NPAS3: variants seen among roughly 807,000 people sequenced by gnomAD.
NPAS3 encodes neuronal PAS domain protein 3.
NPAS3 carries 14 observed loss-of-function variants against 73.1 expected under a neutral mutation model. The ratio of observed to expected loss-of-function variants is 0.19; its 90% CI spans 0.13 to 0.30. NPAS3 has a LOEUF of 0.30. Ranked by LOEUF, NPAS3 falls within the 10% of genes least tolerant of loss-of-function variation. The probability of loss-of-function intolerance (pLI) is 1.00; values close to 1 mark genes in which losing one functional copy is unlikely to be tolerated. For missense variants in NPAS3, 1,096 were observed against 1,250.0 expected, an observed-to-expected ratio of 0.88 and a Z score of 1.86; for synonymous variants, 620 against 541.5, an observed-to-expected ratio of 1.14 and a Z score of -2.01.
chr14:32,983,096 G>C (rs1381459166), intron 1 of NPAS3, among the ~76,000 whole-genome samples: 1 of 152,106 alleles, frequency 6.6e-6, no homozygotes, highest in African/African-American at 2.4e-5. Context: ...AGATGTTTGA[G>C]TAGCATATTG....
At chr14:33,198,951 A>G (rs1237906441) in intron 2 of NPAS3, among the ~76,000 whole-genome samples, 1 of 152,180 alleles carries the variant, frequency 6.6e-6, no homozygotes, top group East Asian at 1.9e-4. Context: ...GGGGGAACCC[A>G]GGGCCGTCTC....
chr14:33,388,970 C>T (rs1275314285), intron 4 of NPAS3, among the ~76,000 whole-genome samples: 1 of 152,070 alleles, frequency 6.6e-6, no homozygotes, highest in East Asian at 1.9e-4. Context: ...TCGCTATTAA[C>T]ATGTTGTTCC....
At chr14:33,238,549 A>G (rs1469362209) in intron 3 of NPAS3, among the ~76,000 whole-genome samples, 1 of 151,974 alleles carries the variant, frequency 6.6e-6, no homozygotes, top group Non-Finnish European at 1.5e-5. Context: ...AGTTTGAATG[A>G]CCTAGTATAA....
chr14:33,319,648 A>G (rs555598737), intron 3 of NPAS3, among the ~76,000 whole-genome samples: 1 of 152,126 alleles, frequency 6.6e-6, no homozygotes, highest in Non-Finnish European at 1.5e-5. Flanking sequence ...GGGTTGGAAA[A>G]AAAAATCTGT....
chr14:33,279,725 G>C (rs193031570), intron 3 of NPAS3, among the ~76,000 whole-genome samples: 1 of 152,184 alleles, frequency 6.6e-6, no homozygotes, highest in East Asian at 1.9e-4. Context: ...AAACATTGGG[G>C]GGAAGGAACA....
chr14:33,299,963 TTC>T (rs1348741777), intron 3 of NPAS3, among the ~76,000 whole-genome samples: 40 of 152,314 alleles, frequency 2.6e-4, no homozygotes, highest in African/African-American at 8.7e-4. Context: ...CTCATGATAA[TTC>T]AAAACCGTAG....
At chr14:33,413,077 A>C (rs1440199) in intron 4 of NPAS3, among the ~76,000 whole-genome samples, 30,993 of 152,118 alleles carry the variant, frequency 0.2, 3,342 homozygotes, top group Admixed American at 0.28. Flanking sequence ...TTGCCAATTT[A>C]ATAAGATCAT....
chr14:33,082,599 G>A (rs1429761799), intron 2 of NPAS3, among the ~76,000 whole-genome samples: 1 of 152,136 alleles, frequency 6.6e-6, no homozygotes, highest in Admixed American at 6.5e-5. Context: ...GCATTATATG[G>A]AATTTAGCAC....
chr14:32,989,370 C>A (rs866675762), intron 1 of NPAS3, among the ~76,000 whole-genome samples: 1 of 152,126 alleles, frequency 6.6e-6, no homozygotes, highest in Non-Finnish European at 1.5e-5. Context: ...TGTGGCCGGG[C>A]ACGGTGGCTC....
intron 6 of NPAS3, among the ~76,000 whole-genome samples, chr14:33,707,376 T>C (rs1430279636): frequency 6.6e-6 from 1 of 152,054 alleles, no homozygotes; most frequent in African/African-American, 2.4e-5. Flanking sequence ...GATTATTTAA[T>C]ATTTGTTGAG....
chr14:33,465,767 TATATTTTCCCTTGCTTTAATTCAGTATA>T (rs2050480591), intron 4 of NPAS3, among the ~76,000 whole-genome samples: 1 of 152,208 alleles, frequency 6.6e-6, no homozygotes, highest in Non-Finnish European at 1.5e-5. Context: ...TCAATTTATT[TATATTTTCCCTTGCTTTAATTCAGTATA>T]ATATATGGCA....
chr14:33,540,490 CA>C (rs1324998841), intron 4 of NPAS3, among the ~76,000 whole-genome samples: 1 of 152,170 alleles, frequency 6.6e-6, no homozygotes, highest in Non-Finnish European at 1.5e-5. Context: ...TTCATAACCC[CA>C]AGGAGCCTAT....
chr14:33,594,707 C>CGACT (rs1334191705), intron 5 of NPAS3, among the ~76,000 whole-genome samples: 1 of 152,152 alleles, frequency 6.6e-6, no homozygotes, highest in African/African-American at 2.4e-5. Context: ...ACAGAAGGAC[C>CGACT]GACTGCCTCT....
At chr14:33,775,815 G>A (rs1305580230) in intron 8 of NPAS3, among the ~76,000 whole-genome samples, 1 of 152,182 alleles carries the variant, frequency 6.6e-6, no homozygotes, top group African/African-American at 2.4e-5. Flanking sequence ...AGAATGATTC[G>A]CTGGAGTTGG....
At chr14:33,542,247 A>T (rs963452468) in intron 4 of NPAS3, among the ~76,000 whole-genome samples, 5 of 152,110 alleles carry the variant, frequency 3.3e-5, no homozygotes, top group African/African-American at 1.2e-4. Flanking sequence ...CTCAAGCCAT[A>T]CTCGCCAGCA....
At chr14:33,186,156 G>T (rs768537993) in intron 2 of NPAS3, among the ~76,000 whole-genome samples, 5 of 152,076 alleles carry the variant, frequency 3.3e-5, no homozygotes, top group Non-Finnish European at 5.9e-5. Context: ...TGCAAATTAA[G>T]CCTTTAAAAA....
intron 4 of NPAS3, among the ~76,000 whole-genome samples, chr14:33,514,381 T>C (rs898199821): frequency 2.0e-5 from 3 of 151,960 alleles, no homozygotes; most frequent in Non-Finnish European, 4.4e-5. Context: ...GTTATCTGAG[T>C]CACAGATAAG....
chr14:33,520,493 G>T (rs1595076448), intron 4 of NPAS3, among the ~76,000 whole-genome samples: 1 of 152,056 alleles, frequency 6.6e-6, no homozygotes, highest in Non-Finnish European at 1.5e-5. Flanking sequence ...AGTGAAACTG[G>T]AAATGTTTGT....
At chr14:33,706,694 A>C (rs527282630) in intron 6 of NPAS3, among the ~76,000 whole-genome samples, 1 of 152,176 alleles carries the variant, frequency 6.6e-6, no homozygotes, top group Non-Finnish European at 1.5e-5. Flanking sequence ...AACTTATTCA[A>C]TCCTCCCAAT....
Sources: gnomAD v4.1 joint callset for allele counts (sites outside exome capture counted in the v4.1 genomes callset) on GRCh38, gnomAD v4.1.1 for gene constraint, MANE v1.5 for transcripts, NCBI Gene and HGNC (gene_info 2026-07-23, HGNC 2026-07-21) for gene names.